Variants in SKAP2 observed in about 807,000 individuals in gnomAD.
The protein encoded by SKAP2 is src kinase-associated phosphoprotein 2.
SKAP2 carries 28 observed loss-of-function variants against 54.9 expected under a neutral mutation model. The observed-to-expected ratio is 0.51, with a 90% CI of 0.38 to 0.70. The LOEUF is 0.70. SKAP2 is among the 30% of genes least tolerant of loss of function. The pLI is 0.00. For synonymous variants in SKAP2, 137 were observed against 134.3 expected (o/e 1.02, Z -0.14); for missense variants, 356 against 424.1 (o/e 0.84, Z 1.41).
intron 3 of SKAP2, among the ~76,000 whole-genome samples, chr7:26,850,647 G>A (rs1252487103): frequency 5.3e-5 from 8 of 151,768 alleles, no homozygotes; most frequent in Non-Finnish European, 1.2e-4. Context: ...ATTCTGTCAC[G>A]TACAATACTT....
chr7:26,787,467 C>A (rs1311416833), intron 4 of SKAP2, among the ~76,000 whole-genome samples: 2 of 152,058 alleles, frequency 1.3e-5, no homozygotes, highest in African/African-American at 4.8e-5. Flanking sequence ...AGACTACAGG[C>A]GTGCACCACC....
At chr7:26,711,381 C>T (rs1031063390) in intron 9 of SKAP2, among the ~76,000 whole-genome samples, 3 of 152,148 alleles carry the variant, frequency 2.0e-5, no homozygotes, top group Non-Finnish European at 4.4e-5. Flanking sequence ...AGTACCCACC[C>T]TATACCTTGC....
chr7:26,675,118 T>G (rs1297024077), intron 11 of SKAP2, among the ~76,000 whole-genome samples: 3 of 152,206 alleles, frequency 2.0e-5, no homozygotes, highest in Non-Finnish European at 2.9e-5. Context: ...GCATTATCAA[T>G]GGTGCCTCTC....
chr7:26,699,440 T>G, intron 9 of SKAP2, among the ~76,000 whole-genome samples: 1 of 152,142 alleles, frequency 6.6e-6, no homozygotes, highest in East Asian at 1.9e-4. Flanking sequence ...TAGTTATTTT[T>G]CCTAAAAATA....
intron 11 of SKAP2, among the ~76,000 whole-genome samples, chr7:26,671,640 C>G (rs75966574): frequency 0.031 from 4,782 of 151,956 alleles, 250 homozygotes; most frequent in African/African-American, 0.11. Context: ...TATTGTTATT[C>G]TATTGAGGGC....
chr7:26,717,323 G>A (rs1037613870), intron 9 of SKAP2, among the ~76,000 whole-genome samples: 2 of 151,546 alleles, frequency 1.3e-5, no homozygotes, highest in African/African-American at 4.8e-5. Flanking sequence ...CCATCTTGAC[G>A]ACATGGCAAA....
intron 4 of SKAP2, among the ~76,000 whole-genome samples, chr7:26,803,974 G>A (rs973893874): frequency 1.3e-5 from 2 of 152,206 alleles, no homozygotes; most frequent in Admixed American, 1.3e-4. Context: ...AGGCGAGGAA[G>A]AGTAGTGGAG....
intron 3 of SKAP2, among the ~76,000 whole-genome samples, chr7:26,846,284 A>T (rs990483914): frequency 3.9e-5 from 6 of 152,174 alleles, no homozygotes; most frequent in African/African-American, 9.7e-5. Flanking sequence ...AAACCAAATA[A>T]TATATAGCAA....
At chr7:26,657,735 GC>G in the SKAP2 span, among the ~76,000 whole-genome samples, 4,157 of 45,456 alleles carry the variant, frequency 0.091, 224 homozygotes, top group African/African-American at 0.23. Flanking sequence ...AAAAATCCCC[GC>G]CCCCCCCGCC....
At chr7:26,665,716 A>G (rs1786094694), downstream of SKAP2, among the ~76,000 whole-genome samples, 1 of 152,178 alleles carries the variant, frequency 6.6e-6, no homozygotes, top group Non-Finnish European at 1.5e-5. Context: ...CTCATCATAA[A>G]ATAGTATGCT....
chr7:26,747,747 C>T (rs1184055885), intron 4 of SKAP2, among the ~76,000 whole-genome samples: 1 of 151,696 alleles, frequency 6.6e-6, no homozygotes, highest in Non-Finnish European at 1.5e-5. Context: ...TCTCCTGCTC[C>T]TCCCTTCTCT....
intron 4 of SKAP2, among the ~76,000 whole-genome samples, chr7:26,777,685 A>C (rs137938180): frequency 6.6e-6 from 1 of 152,264 alleles, no homozygotes; most frequent in African/African-American, 2.4e-5. Flanking sequence ...TTTTACATAC[A>C]TAAACAGAAG....
chr7:26,784,563 T>G (rs1217995015), intron 4 of SKAP2, among the ~76,000 whole-genome samples: 1 of 152,192 alleles, frequency 6.6e-6, no homozygotes, highest in Non-Finnish European at 1.5e-5. Context: ...GATGAATCAT[T>G]CATATTTATC....
intron 11 of SKAP2, among the ~76,000 whole-genome samples, chr7:26,676,733 T>C (rs78933789): frequency 0.017 from 2,545 of 152,282 alleles, 67 homozygotes; most frequent in African/African-American, 0.058. Context: ...GTTCAAAGTT[T>C]AGACAGAAAG....
intron 11 of SKAP2, among the ~76,000 whole-genome samples, chr7:26,676,912 T>A (rs538284470): frequency 6.6e-6 from 1 of 152,302 alleles, no homozygotes; most frequent in East Asian, 1.9e-4. Context: ...ATGGCAGGCG[T>A]GAAGGCCTGC....
chr7:26,699,009 G>A (rs983540971), intron 9 of SKAP2, among the ~76,000 whole-genome samples: 1 of 152,156 alleles, frequency 6.6e-6, no homozygotes, highest in African/African-American at 2.4e-5. Context: ...TCTGCATAAT[G>A]TAATGAACTA....
intron 4 of SKAP2, among the ~76,000 whole-genome samples, chr7:26,759,471 C>A (rs982289896): frequency 6.6e-6 from 1 of 152,108 alleles, no homozygotes; most frequent in Admixed American, 6.6e-5. Context: ...TGCTTGAGCC[C>A]TCTCTTTATC....
intron 4 of SKAP2, among the ~76,000 whole-genome samples, chr7:26,746,929 G>A (rs1304820696): frequency 6.6e-6 from 1 of 152,002 alleles, no homozygotes; most frequent in African/African-American, 2.4e-5. Flanking sequence ...TTAATATTCA[G>A]CTAGAACCTT....
At chr7:26,819,983 A>T (rs1282325079) in intron 4 of SKAP2, among the ~76,000 whole-genome samples, 1 of 152,202 alleles carries the variant, frequency 6.6e-6, no homozygotes, top group Non-Finnish European at 1.5e-5. Flanking sequence ...GTTTGAAATT[A>T]TTCATAAAAG....
Sources: allele counts gnomAD v4.1 joint callset (sites outside exome capture counted in the v4.1 genomes callset), GRCh38; gene constraint gnomAD v4.1.1; transcripts MANE v1.5; gene names NCBI Gene and HGNC (gene_info 2026-07-23, HGNC 2026-07-21).